MACROD2: variants seen among roughly 807,000 people sequenced by gnomAD.
The protein encoded by MACROD2 is mono-ADP ribosylhydrolase 2, also known as ADP-ribose glycohydrolase MACROD2.
A neutral mutation model predicts 70.4 loss-of-function variants in MACROD2; 36 were observed. That is an observed-to-expected ratio of 0.51 (90% CI 0.39 to 0.68). MACROD2 has a LOEUF of 0.68. MACROD2 is among the 30% of genes least tolerant of loss of function. The probability of loss-of-function intolerance (pLI) is 0.00; values close to 1 mark genes in which losing one functional copy is unlikely to be tolerated. For synonymous variants in MACROD2, 172 were observed against 178.8 expected, an observed-to-expected ratio of 0.96 and a Z score of 0.30; for missense variants, 496 against 538.4, an observed-to-expected ratio of 0.92 and a Z score of 0.78.
intron 3 of MACROD2, chr20:14,352,265 G>A (rs1482604419): frequency 1.3e-5 from 2 of 152,052 alleles, no homozygotes; most frequent in Admixed American, 6.6e-5. Context: ...CTAGCTGGGC[G>A]TTTGTGTGCT....
chr20:14,942,154 A>C (rs966040134), intron 5 of MACROD2, among the ~76,000 whole-genome samples: 1 of 151,952 alleles, frequency 6.6e-6, no homozygotes, highest in African/African-American at 2.4e-5. Flanking sequence ...CTTGCTTTTA[A>C]AACCTGCCAG....
At chr20:15,637,836 T>A (rs1011328390) in intron 8 of MACROD2, among the ~76,000 whole-genome samples, 3 of 152,238 alleles carry the variant, frequency 2.0e-5, no homozygotes, top group Non-Finnish European at 2.9e-5. Context: ...TCTCATTCAT[T>A]ATTTTTAAGC....
At chr20:15,820,559 C>G (rs977937566) in intron 8 of MACROD2, among the ~76,000 whole-genome samples, 1 of 152,090 alleles carries the variant, frequency 6.6e-6, no homozygotes, top group African/African-American at 2.4e-5. Flanking sequence ...CTAACTAAAA[C>G]CTAATCGAGT....
intron 6 of MACROD2, among the ~76,000 whole-genome samples, chr20:15,262,968 TATTCTCTCC>T (rs2077262136): frequency 1.3e-5 from 2 of 152,146 alleles, no homozygotes; most frequent in Admixed American, 1.3e-4. Flanking sequence ...AGCTTGCAAA[TATTCTCTCC>T]GATTCTGTGG....
chr20:15,585,259 G>A (rs1313933352), intron 8 of MACROD2, among the ~76,000 whole-genome samples: 4 of 150,010 alleles, frequency 2.7e-5, no homozygotes, highest in African/African-American at 9.8e-5. Flanking sequence ...GTGCAGTGGT[G>A]TGATATCAGC....
chr20:14,652,331 C>T (rs914954551), intron 4 of MACROD2, among the ~76,000 whole-genome samples: 9 of 152,122 alleles, frequency 5.9e-5, no homozygotes, highest in African/African-American at 2.2e-4. Context: ...TATTTTATCT[C>T]ATATAACAAG....
At chr20:14,148,541 T>C (rs1569179977) in intron 3 of MACROD2, among the ~76,000 whole-genome samples, 1 of 152,198 alleles carries the variant, frequency 6.6e-6, no homozygotes, top group Non-Finnish European at 1.5e-5. Flanking sequence ...AGATTTACTT[T>C]TGTCAGTCTT....
intron 5 of MACROD2, chr20:14,895,038 T>C (rs974103591): frequency 3.9e-5 from 6 of 152,120 alleles, no homozygotes; most frequent in African/African-American, 1.2e-4. Context: ...CGAGAATGAA[T>C]AGAAGAAGAT....
intron 5 of MACROD2, among the ~76,000 whole-genome samples, chr20:14,928,064 C>T (rs771588160): frequency 3.9e-4 from 60 of 152,346 alleles, no homozygotes; most frequent in Non-Finnish European, 4.8e-4. Context: ...AAAAGAAAAA[C>T]TGGATTTTCC....
rs79960403 is a variant in MACROD2, at chr20:15,406,791, G to A, written c.541-24614G>A. ...AATTGATAGCAGCTGAGCACAGGGAGGTGTCATTAGCTCAAGGCACAGATC... is the reference window on the plus strand; with the variant it reads ...AATTGATAGCAGCTGAGCACAGGGAAGTGTCATTAGCTCAAGGCACAGATC... On this transcript the variant is annotated intron_variant, in intron 6 of 17. Coordinates refer to ENST00000684519, the MANE Select transcript of MACROD2 (RefSeq NM_001351661.2). Among the ~76,000 whole-genome samples, 794 of 152,240 alleles carry A rather than the reference G, an allele frequency of 5.2e-3. 6 individuals carry two copies. Among genetic ancestry groups the A allele is most frequent in the African/African-American group, 0.018 (746 of 41,532 alleles).
intron 4 of MACROD2, among the ~76,000 whole-genome samples, chr20:14,574,690 A>G (rs933818312): frequency 6.6e-6 from 1 of 151,102 alleles, no homozygotes; most frequent in African/African-American, 2.4e-5. Context: ...ATATGCAAAA[A>G]CATACAAAAT....
At chr20:14,523,448 G>C (rs1481018227) in intron 4 of MACROD2, 1 of 152,130 alleles carries the variant, frequency 6.6e-6, no homozygotes, top group African/African-American at 2.4e-5. Context: ...CCCCATTTTG[G>C]GGTAATGTAT....
chr20:16,035,192 A>T (rs1601359099), intron 15 of MACROD2, among the ~76,000 whole-genome samples: 2 of 92,852 alleles, frequency 2.2e-5, no homozygotes, highest in African/African-American at 3.8e-5. Context: ...ATTATATATA[A>T]AATATAATAT....
chr20:14,981,803 C>G (rs936186626), intron 5 of MACROD2, among the ~76,000 whole-genome samples: 3 of 152,218 alleles, frequency 2.0e-5, no homozygotes, highest in Non-Finnish European at 4.4e-5. Context: ...TCGGTTATGT[C>G]TTTATCAGCA....
At chr20:14,137,918 TC>T (rs939837980) in intron 3 of MACROD2, among the ~76,000 whole-genome samples, 5 of 152,006 alleles carry the variant, frequency 3.3e-5, no homozygotes, top group Non-Finnish European at 1.5e-5. Context: ...CCTGTACAAC[TC>T]AGTAAAAACA....
chr20:14,702,589 ATATATATGTGTGTATATATATGTG>A (rs1568747372), intron 5 of MACROD2, among the ~76,000 whole-genome samples: 25 of 562 alleles, frequency 0.044, no homozygotes, highest in East Asian at 0.059. Context: ...ATATATATGT[ATATATATGTGTGTATATATATGTG>A]TATATATATA....
intron 2 of MACROD2, among the ~76,000 whole-genome samples, chr20:14,009,180 T>C (rs1267206951): frequency 6.6e-6 from 1 of 152,140 alleles, no homozygotes; most frequent in Non-Finnish European, 1.5e-5. Flanking sequence ...ACAGAGAACC[T>C]ACAGAATGGG....
intron 5 of MACROD2, among the ~76,000 whole-genome samples, chr20:15,003,753 A>T (rs1401553772): frequency 6.6e-6 from 1 of 152,194 alleles, no homozygotes; most frequent in African/African-American, 2.4e-5. Flanking sequence ...TGGAGAGAGG[A>T]GGGAAGCCTG....
At chr20:14,558,642 T>G (rs942621317) in intron 4 of MACROD2, among the ~76,000 whole-genome samples, 1 of 151,746 alleles carries the variant, frequency 6.6e-6, no homozygotes, top group Non-Finnish European at 1.5e-5. Context: ...ACATAACTAT[T>G]GCAAATGTGT....
Sources: gnomAD v4.1 joint callset for allele counts (sites outside exome capture counted in the v4.1 genomes callset) on GRCh38, gnomAD v4.1.1 for gene constraint, MANE v1.5 for transcripts, NCBI Gene and HGNC (gene_info 2026-07-23, HGNC 2026-07-21) for gene names.